The following PHF20 variants were observed in gnomAD, a reference collection of about 807,000 sequenced individuals.
The protein encoded by PHF20 is PHD finger protein 20.
PHF20 carries 23 observed loss-of-function variants against 113.5 expected under a neutral mutation model. The observed-to-expected ratio is 0.20, with a 90% CI of 0.15 to 0.29. The LOEUF is 0.29. Ranked by LOEUF, PHF20 falls within the 10% of genes least tolerant of loss-of-function variation. The pLI is 1.00. For synonymous variants in PHF20, 434 were observed against 457.3 expected (o/e 0.95, Z 0.65); for missense variants, 943 against 1,219.6 (o/e 0.77, Z 3.38).
rs2042230919 is a variant in PHF20 at position 35,824,596 on chromosome 20, ACT to A, written c.84-17974_84-17973del. ...CACTCCAGCCTGGTGACAGAGTGAGACTCTGTCTCAAAAAAAAAAAAAAATTT... is the reference window on the plus strand; with the variant it reads ...CACTCCAGCCTGGTGACAGAGTGAGACTGTCTCAAAAAAAAAAAAAAATTT... On this transcript the variant is annotated intron_variant, in intron 2 of 17. Coordinates refer to ENST00000374012, the MANE Select transcript of PHF20 (RefSeq NM_016436.5). 2.7e-5 allele frequency among the ~76,000 whole-genome samples: 4 copies of A among 150,232 alleles called. No individual in the cohort carries two copies. In the South Asian group the frequency reaches 8.4e-4, roughly 32 times the overall value.
At chr20:35,869,217 G>A (rs2054373219) in intron 6 of PHF20, among the ~76,000 whole-genome samples, 1 of 152,108 alleles carries the variant, frequency 6.6e-6, no homozygotes, top group South Asian at 2.1e-4. Context: ...AAAAGATTCA[G>A]GAGGTCAATT....
chr20:35,792,122 A>G (rs2041568599), intron 1 of PHF20, among the ~76,000 whole-genome samples: 1 of 151,604 alleles, frequency 6.6e-6, no homozygotes, highest in Admixed American at 6.6e-5. Flanking sequence ...GCAAAGCTTG[A>G]CTCTTGCAGA....
At chr20:35,874,283 A>G (rs2054478491) in intron 9 of PHF20, among the ~76,000 whole-genome samples, 1 of 152,070 alleles carries the variant, frequency 6.6e-6, no homozygotes, top group African/African-American at 2.4e-5. Flanking sequence ...GCCTGCTATA[A>G]ATTTCATAAT....
chr20:35,839,810 A>T (rs1280813125), intron 2 of PHF20, among the ~76,000 whole-genome samples: 2 of 152,212 alleles, frequency 1.3e-5, no homozygotes, highest in African/African-American at 4.8e-5. Context: ...ACATGAAGTG[A>T]TGGGGGCCTG....
intron 1 of PHF20, among the ~76,000 whole-genome samples, chr20:35,775,936 G>A (rs1052907578): frequency 5.9e-5 from 9 of 151,760 alleles, no homozygotes; most frequent in Admixed American, 1.3e-4. Context: ...TCAGCCTCTT[G>A]AGTTTCAGGG....
intron 9 of PHF20, among the ~76,000 whole-genome samples, chr20:35,891,612 T>C (rs903200670): frequency 2.6e-5 from 4 of 152,126 alleles, no homozygotes; most frequent in Non-Finnish European, 5.9e-5. Flanking sequence ...GGGAACAACA[T>C]GCCAAATAGA....
chr20:35,944,499 T>A (rs949581211), intron 17 of PHF20, among the ~76,000 whole-genome samples: 18 of 152,258 alleles, frequency 1.2e-4, no homozygotes, highest in African/African-American at 4.1e-4. Flanking sequence ...TTGCAAAAGA[T>A]TGACTGACTC....
intron 1 of PHF20, among the ~76,000 whole-genome samples, chr20:35,786,519 T>C (rs1600727518): frequency 6.6e-6 from 1 of 152,194 alleles, no homozygotes; most frequent in East Asian, 1.9e-4. Context: ...CTGGCCAACA[T>C]GGTGAAACCC....
At position 35,824,112 on chromosome 20, in the gene PHF20, G is replaced by A. The variant is rs1033716202; in HGVS notation, c.84-18461G>A. ...CGAGCTGGATTGCTGGGTCATGTAA[G>A]TGTATGTTTAACCAGGTGAGAAACC... On this transcript the variant is annotated intron_variant, in intron 2 of 17. Transcript: ENST00000374012. 4.7e-4 allele frequency among the ~76,000 whole-genome samples: 72 copies of A among 152,170 alleles called. 1 individual carries two copies. The highest frequency in any genetic ancestry group is 1.3e-4 in the Non-Finnish European group (9 of 68,040).
intron 9 of PHF20, among the ~76,000 whole-genome samples, chr20:35,887,971 G>GCA (rs2054769063): frequency 6.6e-6 from 1 of 151,424 alleles, no homozygotes; most frequent in South Asian, 2.1e-4. Context: ...CACTGCTTAG[G>GCA]GTTACCTTTT....
At chr20:35,870,818 T>G (rs1338251052) in intron 7 of PHF20, 137 bp from the exon 8 acceptor site, 1 of 569,526 alleles carries the variant, frequency 1.8e-6, no homozygotes, top group Non-Finnish European at 3.0e-6. Context: ...AAAGGGTATT[T>G]CCTTTTATCA....
At chr20:35,857,576 T>G (rs762975972) in intron 4 of PHF20, among the ~76,000 whole-genome samples, 118 of 128,450 alleles carry the variant, frequency 9.2e-4, no homozygotes, top group East Asian at 2.1e-3. Context: ...TTTTTTTTTT[T>G]TTTTTTTTTT....
At chr20:35,910,819 G>T (rs2055286015) in intron 10 of PHF20, among the ~76,000 whole-genome samples, 1 of 151,926 alleles carries the variant, frequency 6.6e-6, no homozygotes, top group African/African-American at 2.4e-5. Context: ...AGTACAGATG[G>T]GGTTTTATCG....
chr20:35,791,047 C>T (rs1261290010), intron 1 of PHF20, among the ~76,000 whole-genome samples: 2 of 151,852 alleles, frequency 1.3e-5, no homozygotes, highest in East Asian at 1.9e-4. Context: ...TTAGTAGAGG[C>T]GAGGTTTCAC....
intron 2 of PHF20, among the ~76,000 whole-genome samples, chr20:35,816,957 AT>A (rs2042086984): frequency 6.7e-6 from 1 of 149,574 alleles, no homozygotes; most frequent in African/African-American, 2.5e-5. Flanking sequence ...CGCCTGGCTA[AT>A]TTTTTGTATT....
intron 10 of PHF20, among the ~76,000 whole-genome samples, chr20:35,907,493 A>T (rs1406740808): frequency 1.3e-5 from 2 of 152,212 alleles, no homozygotes; most frequent in Non-Finnish European, 2.9e-5. Context: ...GTCCAGAGAG[A>T]GAGTTGACAG....
intron 9 of PHF20, among the ~76,000 whole-genome samples, chr20:35,897,447 C>T (rs1341391251): frequency 6.6e-6 from 1 of 151,386 alleles, no homozygotes; most frequent in Non-Finnish European, 1.5e-5. Flanking sequence ...GTGTTCAGAA[C>T]ATTCAAAATC....
intron 2 of PHF20, among the ~76,000 whole-genome samples, chr20:35,838,787 A>G (rs541064724): frequency 3.4e-4 from 52 of 151,496 alleles, no homozygotes; most frequent in Non-Finnish European, 6.5e-4. Flanking sequence ...CAGGTGTTCA[A>G]GACCAGCCTG....
intron 9 of PHF20, among the ~76,000 whole-genome samples, chr20:35,877,533 T>G (rs983570260): frequency 2.0e-5 from 3 of 151,506 alleles, no homozygotes; most frequent in African/African-American, 7.3e-5. Context: ...CACTGCAACC[T>G]CCGCCTCCCA....
Sources: gnomAD v4.1 joint callset for allele counts (sites outside exome capture counted in the v4.1 genomes callset) on GRCh38, gnomAD v4.1.1 for gene constraint, MANE v1.5 for transcripts, NCBI Gene and HGNC (gene_info 2026-07-23, HGNC 2026-07-21) for gene names.